SNTG1: variants seen among roughly 807,000 people sequenced by gnomAD.
SNTG1 encodes the protein syntrophin gamma 1, also known as gamma-1-syntrophin.
Under a neutral mutation model 74.7 loss-of-function variants are expected in SNTG1, and 39 were observed. That is an observed-to-expected ratio of 0.52 (90% confidence interval 0.40 to 0.68). The LOEUF (loss-of-function observed/expected upper bound fraction) is 0.68, where lower values mean the gene tolerates loss of function less well. Among genes scored for constraint, SNTG1 ranks in the 30% least tolerant of loss-of-function variants. The pLI, the probability that SNTG1 is intolerant of heterozygous loss-of-function variation, is 0.00. For synonymous variants in SNTG1, 254 were observed against 217.1 expected, an observed-to-expected ratio of 1.17 and a Z score of -1.49; for missense variants, 685 against 609.5, an observed-to-expected ratio of 1.12 and a Z score of -1.30.
At chr8:50,056,238 G>A (rs1820011559) in intron 1 of SNTG1, among the ~76,000 whole-genome samples, 1 of 152,016 alleles carries the variant, frequency 6.6e-6, no homozygotes. Flanking sequence ...AAGACAATAT[G>A]TCCTACTATG....
intron 1 of SNTG1, among the ~76,000 whole-genome samples, chr8:50,151,148 A>C (rs750691068): frequency 6.6e-6 from 1 of 152,058 alleles, no homozygotes; most frequent in Non-Finnish European, 1.5e-5. Context: ...GGGATGGTGT[A>C]TGTGTCCAGG....
At chr8:49,952,328 G>C (rs936799628) in intron 1 of SNTG1, among the ~76,000 whole-genome samples, 3 of 152,198 alleles carry the variant, frequency 2.0e-5, no homozygotes, top group African/African-American at 4.8e-5. Context: ...AAATCCTGAT[G>C]AGAATATGGG....
intron 4 of SNTG1, among the ~76,000 whole-genome samples, chr8:50,425,767 G>A (rs184103079): frequency 1.3e-5 from 2 of 152,162 alleles, no homozygotes; most frequent in Admixed American, 1.3e-4. Context: ...ATGAAAGAAA[G>A]GTCAATCTGA....
At chr8:50,595,618 C>T (rs1473089947) in intron 13 of SNTG1, among the ~76,000 whole-genome samples, 1 of 152,010 alleles carries the variant, frequency 6.6e-6, no homozygotes, top group African/African-American at 2.4e-5. Flanking sequence ...CATTGGCTTT[C>T]TTTTCTAAAT....
At chr8:50,284,217 T>A (rs1209384686) in intron 2 of SNTG1, among the ~76,000 whole-genome samples, 2 of 152,178 alleles carry the variant, frequency 1.3e-5, no homozygotes, top group African/African-American at 4.8e-5. Flanking sequence ...CATATTCTTA[T>A]GAAATGATAA....
intron 1 of SNTG1, among the ~76,000 whole-genome samples, chr8:50,143,987 G>A (rs955228925): frequency 6.6e-6 from 1 of 152,028 alleles, no homozygotes; most frequent in South Asian, 2.1e-4. Context: ...CATCAACCTC[G>A]GTATGGATTT....
rs568417862 is a variant in SNTG1, at chr8:50,079,799, G to A, written c.-102-92762G>A. Among the ~76,000 whole-genome samples the A allele has an allele frequency of 6.8e-4, 104 of 152,298 alleles. 2 individuals are homozygous for A. The highest frequency in any genetic ancestry group is 2.5e-3 in the African/African-American group (102 of 41,560). Reference sequence around the variant, plus strand: ...TCCATATGGCTAGCCAGTTTTCCCAGCATGATTTATTAAATAGGGAATCCT... The same window carrying A: ...TCCATATGGCTAGCCAGTTTTCCCAACATGATTTATTAAATAGGGAATCCT... On this transcript the variant is annotated intron_variant, in intron 1 of 18. Coordinates refer to ENST00000642720, the MANE Select transcript of SNTG1 (RefSeq NM_018967.5).
intron 1 of SNTG1, among the ~76,000 whole-genome samples, chr8:50,044,626 T>TGG (rs368238563): frequency 1.3e-3 from 193 of 152,328 alleles, no homozygotes; most frequent in Non-Finnish European, 1.0e-3. Context: ...TAAAATAATC[T>TGG]GGAATAAACT....
At chr8:50,203,609 GA>G (rs1461416848) in intron 2 of SNTG1, among the ~76,000 whole-genome samples, 1 of 151,818 alleles carries the variant, frequency 6.6e-6, no homozygotes, top group Non-Finnish European at 1.5e-5. Flanking sequence ...AAAACCAAGC[GA>G]AAAAAATGTG....
At chr8:50,229,462 T>C (rs747973108) in intron 2 of SNTG1, among the ~76,000 whole-genome samples, 3 of 151,430 alleles carry the variant, frequency 2.0e-5, no homozygotes, top group Non-Finnish European at 4.4e-5. Context: ...GTTAGCTATA[T>C]AAATTTCAAG....
Position 50,394,124 on chromosome 8 carries a change from T to G in SNTG1, c.-27-88T>G, listed in dbSNP as rs2092697831. On this transcript the variant is annotated intron_variant, in intron 2 of 18. Transcript: ENST00000642720. ...TTGTAAACACAGTTTTCCCACAAGT[T>G]CTGCTTCACGATTTCCTCCACTATA... The G allele has an allele frequency of 1.5e-5, 15 of 1,004,686 alleles. 1 individual carries two copies. In the South Asian group the frequency reaches 2.3e-4, roughly 15 times the overall value. 62.2% of individuals were successfully genotyped at this position (1,004,686 alleles called of 1,614,324 possible). A position where few individuals can be genotyped will look rare whatever the true frequency, so the allele number is the denominator to read the frequency against.
At chr8:49,939,272 T>A (rs1011330788) in intron 1 of SNTG1, among the ~76,000 whole-genome samples, 1 of 152,240 alleles carries the variant, frequency 6.6e-6, no homozygotes, top group Non-Finnish European at 1.5e-5. Context: ...TAAATTTGTA[T>A]CTGTATTACT....
intron 15 of SNTG1, among the ~76,000 whole-genome samples, chr8:50,676,718 G>T (rs1458046655): frequency 6.6e-6 from 1 of 151,594 alleles, no homozygotes; most frequent in African/African-American, 2.4e-5. Flanking sequence ...GTAAAGCATA[G>T]TTTTCTCAAA....
At chr8:50,283,577 C>T (rs937221940) in intron 2 of SNTG1, among the ~76,000 whole-genome samples, 6 of 152,120 alleles carry the variant, frequency 3.9e-5, no homozygotes, top group Non-Finnish European at 7.4e-5. Flanking sequence ...ATTCCAGCAT[C>T]CTTTAGTATT....
chr8:50,654,655 C>A (rs559594924), intron 13 of SNTG1, among the ~76,000 whole-genome samples: 1 of 152,140 alleles, frequency 6.6e-6, no homozygotes, highest in Admixed American at 6.5e-5. Flanking sequence ...TTCCAAGAAA[C>A]AAGTCTTATG....
intron 2 of SNTG1, among the ~76,000 whole-genome samples, chr8:50,305,117 T>G (rs1031638671): frequency 1.3e-5 from 2 of 151,292 alleles, no homozygotes; most frequent in Admixed American, 1.3e-4. Context: ...GCCAGGCTGG[T>G]CTCAAACTCC....
At chr8:50,538,863 T>A (rs1450428371) in intron 11 of SNTG1, among the ~76,000 whole-genome samples, 1 of 152,136 alleles carries the variant, frequency 6.6e-6, no homozygotes, top group Non-Finnish European at 1.5e-5. Context: ...AGAAACTTTT[T>A]AAAAAATCTG....
At chr8:50,620,943 T>C (rs6999996) in intron 13 of SNTG1, among the ~76,000 whole-genome samples, 126,291 of 152,134 alleles carry the variant, frequency 0.83, 52,960 homozygotes, top group African/African-American at 0.94. Context: ...TCTGGTGAGC[T>C]TGGAGACATA....
chr8:50,009,468 C>T (rs571161171), intron 1 of SNTG1, among the ~76,000 whole-genome samples: 118 of 152,156 alleles, frequency 7.8e-4, no homozygotes, highest in Admixed American at 3.4e-3. Context: ...GGAAGTTTGT[C>T]TATCATCTAA....
Sources: gnomAD v4.1 joint callset for allele counts (sites outside exome capture counted in the v4.1 genomes callset) on GRCh38, gnomAD v4.1.1 for gene constraint, MANE v1.5 for transcripts, NCBI Gene and HGNC (gene_info 2026-07-23, HGNC 2026-07-21) for gene names.